Variants in MFSD11 observed in about 807,000 individuals in gnomAD.
The protein encoded by MFSD11 is major facilitator superfamily domain containing 11, also known as UNC93-like protein MFSD11.
Under a neutral mutation model 53.5 loss-of-function variants are expected in MFSD11, and 36 were observed. The observed-to-expected ratio is 0.67, with a 90% CI of 0.52 to 0.89. The LOEUF is 0.89. Among genes scored for constraint, MFSD11 ranks in the 40% least tolerant of loss-of-function variants. The pLI, the probability that MFSD11 is intolerant of heterozygous loss-of-function variation, is 0.00. For missense variants in MFSD11, 530 were observed against 543.9 expected (o/e 0.97, Z 0.25); for synonymous variants, 186 against 184.9 (o/e 1.01, Z -0.05).
At chr17:76,775,553 GT>G (rs1410040867) in intron 11 of MFSD11, among the ~76,000 whole-genome samples, 1 of 152,164 alleles carries the variant, frequency 6.6e-6, no homozygotes, top group Non-Finnish European at 1.5e-5. Flanking sequence ...TTCCAGAGCA[GT>G]TTATATAACG....
downstream of MFSD11, among the ~76,000 whole-genome samples, chr17:76,779,789 A>G (rs2082112569): frequency 6.6e-6 from 1 of 152,156 alleles, no homozygotes; most frequent in South Asian, 2.1e-4. Context: ...CCGGTCCTTT[A>G]AGTCTTAAGA....
chr17:76,775,918 T>C (rs530106182), intron 11 of MFSD11, among the ~76,000 whole-genome samples: 1 of 152,328 alleles, frequency 6.6e-6, no homozygotes, highest in African/African-American at 2.4e-5. Flanking sequence ...TGTAAAGGTG[T>C]GTGCATTTGA....
intron 8 of MFSD11, among the ~76,000 whole-genome samples, chr17:76,758,835 C>T (rs1352663917): frequency 6.6e-6 from 1 of 152,080 alleles, no homozygotes; most frequent in Non-Finnish European, 1.5e-5. Flanking sequence ...CTCCATTCCA[C>T]ACACCCCTAC....
intron 8 of MFSD11, among the ~76,000 whole-genome samples, chr17:76,758,457 C>T (rs2079867023): frequency 6.6e-6 from 1 of 151,808 alleles, no homozygotes; most frequent in African/African-American, 2.4e-5. Context: ...GGGGCATGCA[C>T]TTGCAGCCCC....
chr17:76,780,117 T>C (rs1406983807), downstream of MFSD11, among the ~76,000 whole-genome samples: 1 of 152,062 alleles, frequency 6.6e-6, no homozygotes, highest in Non-Finnish European at 1.5e-5. Flanking sequence ...CCAGAAACCA[T>C]AAAAATGTCC....
chr17:76,741,439 C>T (rs1207916102), intron 3 of MFSD11, among the ~76,000 whole-genome samples: 1 of 152,096 alleles, frequency 6.6e-6, no homozygotes, highest in African/African-American at 2.4e-5. Flanking sequence ...TGGCAAAGAA[C>T]ACTGCAAACC....
intron 8 of MFSD11, among the ~76,000 whole-genome samples, chr17:76,755,802 ATATATATATATTTT>A (rs2079539408): frequency 4.2e-5 from 1 of 23,934 alleles, no homozygotes; most frequent in Non-Finnish European, 8.7e-5. Context: ...ATATATATAT[ATATATATATATTTT>A]TTTTTTTTTT....
chr17:76,758,647 A>G (rs1404628917), intron 8 of MFSD11, among the ~76,000 whole-genome samples: 2 of 152,044 alleles, frequency 1.3e-5, no homozygotes, highest in Non-Finnish European at 2.9e-5. Context: ...ACACAACCTA[A>G]CAAACTTGAA....
At chr17:76,802,318 C>T in the MFSD11 span, among the ~76,000 whole-genome samples, 17 of 152,062 alleles carry the variant, frequency 1.1e-4, no homozygotes, top group Admixed American at 5.9e-4. Flanking sequence ...ATGATAATAA[C>T]AAGTATTGAT....
At chr17:76,787,670 T>C in the MFSD11 span, among the ~76,000 whole-genome samples, 1 of 149,798 alleles carries the variant, frequency 6.7e-6, no homozygotes, top group South Asian at 2.2e-4. Flanking sequence ...AGTGAAATGA[T>C]TGAAAACCAA....
chr17:76,791,661 C>G, the MFSD11 span, among the ~76,000 whole-genome samples: 3 of 148,854 alleles, frequency 2.0e-5, 1 homozygote, highest in African/African-American at 7.5e-5. Flanking sequence ...GGCTGCCCCC[C>G]AAGCTGTACC....
At chr17:76,750,438 G>T (rs187348791) in intron 7 of MFSD11, among the ~76,000 whole-genome samples, 1 of 144,962 alleles carries the variant, frequency 6.9e-6, no homozygotes, top group Admixed American at 7.1e-5. Context: ...GCGCAAACTC[G>T]GCTCCGCCTC....
At chr17:76,742,091 G>T (rs2078137017) in intron 4 of MFSD11, 43 bp downstream of exon 4, 3 of 1,613,962 alleles carry the variant, frequency 1.9e-6, no homozygotes, top group Non-Finnish European at 2.5e-6. Context: ...CTTTTCTGGG[G>T]CCTATCTAAG....
At chr17:76,771,971 G>A (rs1241664819) in intron 10 of MFSD11, among the ~76,000 whole-genome samples, 2 of 152,188 alleles carry the variant, frequency 1.3e-5, no homozygotes, top group Admixed American at 6.6e-5. Context: ...TTATGGGTAT[G>A]TAAATGGCGG....
chr17:76,754,866 A>G (rs948099575), intron 8 of MFSD11, among the ~76,000 whole-genome samples: 3 of 152,094 alleles, frequency 2.0e-5, no homozygotes, highest in African/African-American at 4.8e-5. Flanking sequence ...GTATTATATA[A>G]TACACACCTA....
intron 8 of MFSD11, among the ~76,000 whole-genome samples, chr17:76,760,390 G>A (rs1243671209): frequency 6.6e-6 from 1 of 152,118 alleles, no homozygotes; most frequent in Non-Finnish European, 1.5e-5. Flanking sequence ...AGGAGGAGGA[G>A]GGAGGGGGTT....
chr17:76,736,930 C>G, upstream of MFSD11: 1 of 1,613,080 alleles, frequency 6.2e-7, no homozygotes, highest in Non-Finnish European at 8.5e-7. Context: ...CCAGCACGGC[C>G]CCGTCCATGG....
chr17:76,786,492 C>T, the MFSD11 span, among the ~76,000 whole-genome samples: 1 of 152,240 alleles, frequency 6.6e-6, no homozygotes, highest in Non-Finnish European at 1.5e-5. Flanking sequence ...GGACTCAGCA[C>T]GTGTTGAACT....
chr17:76,737,877 C>T (rs1184471792), upstream of MFSD11: 5 of 169,458 alleles, frequency 3.0e-5, no homozygotes, highest in Non-Finnish European at 5.0e-5. Flanking sequence ...GGCTCTGCGT[C>T]CTGGCGGTGG....
Sources: gnomAD v4.1 joint callset for allele counts (sites outside exome capture counted in the v4.1 genomes callset) on GRCh38, gnomAD v4.1.1 for gene constraint, MANE v1.5 for transcripts, NCBI Gene and HGNC (gene_info 2026-07-23, HGNC 2026-07-21) for gene names.